Variants in TIAM2 observed in about 807,000 individuals in gnomAD.
TIAM2 encodes the protein rho guanine nucleotide exchange factor TIAM2.
A neutral mutation model predicts 152.9 loss-of-function variants in TIAM2; 80 were observed. The observed-to-expected ratio is 0.52, with a 90% CI of 0.44 to 0.63. The LOEUF (loss-of-function observed/expected upper bound fraction) is 0.63. TIAM2 is among the 30% of genes least tolerant of loss of function. The probability of loss-of-function intolerance (pLI) is 0.00; values close to 1 mark genes in which losing one functional copy is unlikely to be tolerated. For synonymous variants in TIAM2, 804 were observed against 838.0 expected, an observed-to-expected ratio of 0.96 and a Z score of 0.70; for missense variants, 1,965 against 2,120.1, an observed-to-expected ratio of 0.93 and a Z score of 1.44.
At chr6:155,071,895 CAA>C (rs374621162) in intron 1 of TIAM2, among the ~76,000 whole-genome samples, 3,158 of 108,766 alleles carry the variant, frequency 0.029, 109 homozygotes, top group African/African-American at 0.088. Context: ...AACTCTGTGT[CAA>C]AAAAAAAAAA....
chr6:155,199,081 T>TTA (rs397723073), intron 14 of TIAM2, among the ~76,000 whole-genome samples: 1 of 151,720 alleles, frequency 6.6e-6, no homozygotes. Flanking sequence ...TTTTTTTTTT[T>TTA]AATTACAAAA....
intron 14 of TIAM2, among the ~76,000 whole-genome samples, chr6:155,190,866 G>C (rs1181899495): frequency 2.0e-5 from 3 of 152,046 alleles, no homozygotes. Flanking sequence ...TCACTTTCCT[G>C]TCGGTGTTAT....
chr6:155,252,798 C>T (rs1202227836), intron 23 of TIAM2, 150 bp from the exon 24 acceptor site: 5 of 640,208 alleles, frequency 7.8e-6, no homozygotes, highest in East Asian at 2.8e-5. Flanking sequence ...GAACTGGGTG[C>T]GTAGCTGATT....
intron 26 of TIAM2, chr6:155,256,174 T>G: frequency 1.9e-6 from 1 of 528,016 alleles, no homozygotes; most frequent in Non-Finnish European, 3.3e-6. Context: ...CAATTAACTT[T>G]TCAACTTACT....
chr6:155,168,980 C>A, intron 9 of TIAM2: 1 of 1,400,712 alleles, frequency 7.1e-7, no homozygotes, highest in South Asian at 1.3e-5. Context: ...CTAACTTTTT[C>A]TGTTTTTTTT....
intron 1 of TIAM2, among the ~76,000 whole-genome samples, chr6:155,010,747 A>G (rs1387097470): frequency 6.6e-6 from 1 of 151,870 alleles, no homozygotes; most frequent in African/African-American, 2.4e-5. Context: ...CACTGCGCCC[A>G]GCTTACAAAA....
chr6:155,222,625 A>C (rs546539950), intron 15 of TIAM2, among the ~76,000 whole-genome samples: 28 of 78,030 alleles, frequency 3.6e-4, no homozygotes, highest in East Asian at 8.9e-4. Flanking sequence ...AACAAAAAAA[A>C]AAAACACAAA....
intron 2 of TIAM2, among the ~76,000 whole-genome samples, chr6:155,114,245 G>C (rs1366695331): frequency 6.6e-6 from 1 of 150,590 alleles, no homozygotes; most frequent in Non-Finnish European, 1.5e-5. Context: ...TGTAGAGATG[G>C]GGTTTCACTG....
At chr6:155,037,971 T>C (rs1776953354) in intron 1 of TIAM2, among the ~76,000 whole-genome samples, 1 of 152,082 alleles carries the variant, frequency 6.6e-6, no homozygotes, top group Non-Finnish European at 1.5e-5. Context: ...CTTTTGTTTC[T>C]CTGTTTTCAC....
chr6:155,100,091 G>A (rs533160662), intron 2 of TIAM2, among the ~76,000 whole-genome samples: 4 of 152,326 alleles, frequency 2.6e-5, no homozygotes, highest in African/African-American at 7.2e-5. Context: ...ACTGTATTAA[G>A]TTTTTTAACT....
At chr6:155,106,206 T>C (rs1433399135) in intron 2 of TIAM2, among the ~76,000 whole-genome samples, 2 of 151,968 alleles carry the variant, frequency 1.3e-5, no homozygotes, top group Non-Finnish European at 2.9e-5. Context: ...GGTTTCACCA[T>C]ATTGGTCAGG....
At chr6:155,068,878 T>G (rs567969389) in intron 1 of TIAM2, among the ~76,000 whole-genome samples, 114 of 152,166 alleles carry the variant, frequency 7.5e-4, no homozygotes, top group Non-Finnish European at 1.5e-3. Context: ...GAGAAGCTGC[T>G]TAGCATCTTA....
At chr6:155,149,018 T>C (rs995593298) in intron 7 of TIAM2, 7 of 167,088 alleles carry the variant, frequency 4.2e-5, no homozygotes, top group African/African-American at 1.4e-4. Flanking sequence ...GTGATTTAGA[T>C]GTAAAAAGTT....
Position 155,183,227 on chromosome 6 carries a change from T to C in TIAM2, c.2801-10T>C. 6.2e-7 allele frequency: 1 copy of C among 1,604,270 alleles called. No homozygotes were observed. On this transcript the variant is annotated splice_polypyrimidine_tract_variant and intron_variant, in intron 13 of 26. Transcript: ENST00000682666. ...CTCTCTTTTTTCTGTTTCTCCTTCC[T>C]TTTTCTCAGGGCTGAGAAAGGGCAA...
chr6:155,240,255 C>G (rs111528814), intron 15 of TIAM2, among the ~76,000 whole-genome samples: 3 of 152,364 alleles, frequency 2.0e-5, no homozygotes, highest in South Asian at 2.1e-4. Flanking sequence ...GGCAATGACT[C>G]TGTAATTTCA....
At chr6:155,011,044 C>CAAAA (rs200880796) in intron 1 of TIAM2, among the ~76,000 whole-genome samples, 2 of 140,716 alleles carry the variant, frequency 1.4e-5, no homozygotes, top group Non-Finnish European at 1.5e-5. Context: ...AACTCTGTCT[C>CAAAA]AAAAAAAAAA....
At chr6:155,178,792 C>A (rs187312167) in intron 10 of TIAM2, among the ~76,000 whole-genome samples, 2 of 152,114 alleles carry the variant, frequency 1.3e-5, no homozygotes, top group South Asian at 4.1e-4. Flanking sequence ...CTAGGCTGGT[C>A]TCCAACTCCT....
chr6:155,129,347 T>C lies in TIAM2; in HGVS notation c.124T>C (p.Ser42Pro). The change falls in exon 4 of 27, where the codon TCA (serine) becomes CCA (proline). Residue 42 changes from serine to proline, a missense_variant. Ser to Pro is a moderately conservative substitution (Grantham distance 74). Transcript: ENST00000682666. The surrounding 1 kb of genome is among the most constrained non-coding windows in gnomAD (Gnocchi z 4.8). ...IRGIHAKEEK[S>P]LHGWGHGSNG... ...TGGCATTCATGCAAAAGAGGAAAAGTCATTGCATGGATGGGGTCACGGAAG... is the reference window on the plus strand; with the variant it reads ...TGGCATTCATGCAAAAGAGGAAAAGCCATTGCATGGATGGGGTCACGGAAG... 6.2e-7 allele frequency: 1 copy of C among 1,614,148 alleles called. No homozygotes were observed. The highest frequency in any genetic ancestry group is 8.5e-7 in the Non-Finnish European group (1 of 1,180,036).
rs113166948 is a variant in TIAM2 at position 155,077,984 on chromosome 6, C to T, written c.-208-12305C>T. Among the ~76,000 whole-genome samples the T allele has an allele frequency of 1.1e-3, 166 of 152,228 alleles. 1 individual carries two copies. Among genetic ancestry groups the T allele is most frequent in the African/African-American group, 3.8e-3 (157 of 41,534 alleles). On this transcript the variant is annotated intron_variant, in intron 1 of 26. Transcript: ENST00000682666. Reference sequence around the variant, plus strand: ...AACTGCTTTGCAATTAATCCTTGCTCAATATTGATTAATGGTGACAGTCTA... The same window carrying T: ...AACTGCTTTGCAATTAATCCTTGCTTAATATTGATTAATGGTGACAGTCTA...
Sources: gnomAD v4.1 joint callset for allele counts (sites outside exome capture counted in the v4.1 genomes callset) on GRCh38, gnomAD v4.1.1 for gene constraint, Gnocchi (gnomAD v3.1) non-coding constraint, MANE v1.5 for transcripts, NCBI Gene and HGNC (gene_info 2026-07-23, HGNC 2026-07-21) for gene names.